The following SEZ6L variants were observed in gnomAD, a reference collection of about 807,000 sequenced individuals.
SEZ6L encodes seizure related 6 homolog like, also known as seizure 6-like protein.
Under a neutral mutation model 106.2 loss-of-function variants are expected in SEZ6L, and 37 were observed. The observed-to-expected ratio is 0.35, with a 90% CI of 0.27 to 0.46. The LOEUF (loss-of-function observed/expected upper bound fraction) is 0.46. Among genes scored for constraint, SEZ6L ranks in the 20% least tolerant of loss-of-function variants. The probability of loss-of-function intolerance (pLI) is 1.00; values close to 1 mark genes in which losing one functional copy is unlikely to be tolerated. For missense variants in SEZ6L, 1,172 were observed against 1,332.8 expected (o/e 0.88, Z 1.88); for synonymous variants, 541 against 570.4 (o/e 0.95, Z 0.73).
intron 1 of SEZ6L, among the ~76,000 whole-genome samples, chr22:26,268,773 T>G (rs2080268637): frequency 6.6e-6 from 1 of 152,226 alleles, no homozygotes; most frequent in Non-Finnish European, 1.5e-5. Flanking sequence ...CTGTGACAAC[T>G]AAAATTTCTC....
intron 1 of SEZ6L, among the ~76,000 whole-genome samples, chr22:26,188,451 C>T (rs998273453): frequency 5.3e-5 from 8 of 152,162 alleles, no homozygotes; most frequent in Admixed American, 2.0e-4. Flanking sequence ...TGTAAGTTTT[C>T]CCTCATGTGA....
chr22:26,231,770 C>G (rs1198908590), intron 1 of SEZ6L, among the ~76,000 whole-genome samples: 1 of 152,230 alleles, frequency 6.6e-6, no homozygotes, highest in South Asian at 2.1e-4. Context: ...TCCTTGCCTG[C>G]CCCCACGATG....
chr22:26,244,704 G>T (rs1185321161), intron 1 of SEZ6L: 8 of 149,090 alleles, frequency 5.4e-5, no homozygotes, highest in Admixed American at 2.7e-4. Context: ...GTTGAGGGTA[G>T]GAAAAGTTGG....
intron 10 of SEZ6L, among the ~76,000 whole-genome samples, chr22:26,342,709 A>AG (rs2082878212): frequency 6.6e-6 from 1 of 151,898 alleles, no homozygotes; most frequent in Admixed American, 6.5e-5. Context: ...AAAAAAGAAA[A>AG]AAGAAAAGAA....
intron 12 of SEZ6L, among the ~76,000 whole-genome samples, chr22:26,358,913 A>T (rs1192863537): frequency 6.6e-6 from 1 of 152,204 alleles, no homozygotes. Flanking sequence ...ACAAAGAATT[A>T]TCCATTCCAA....
At chr22:26,182,581 A>G (rs958250679) in intron 1 of SEZ6L, among the ~76,000 whole-genome samples, 3 of 152,088 alleles carry the variant, frequency 2.0e-5, no homozygotes, top group Non-Finnish European at 2.9e-5. Flanking sequence ...AAATGAATGC[A>G]TGGCCTTTCC....
chr22:26,310,888 G>A, intron 7 of SEZ6L, 52 bp downstream of exon 7: 3 of 1,573,586 alleles, frequency 1.9e-6, no homozygotes, highest in Non-Finnish European at 2.6e-6. Context: ...GGGTAGCCTG[G>A]GAGCAGGGAA....
rs566177793 is a variant in SEZ6L at position 26,197,423 on chromosome 22, G to A, written c.94+27660G>A. Among the ~76,000 whole-genome samples the A allele has an allele frequency of 5.3e-4, 80 of 152,306 alleles. 1 individual carries two copies. The Middle Eastern group carries it at 0.01, about 20-fold the overall frequency. ...GGTTTTCGCAGGTTGGGGAAAGCCCGAGCCTGGTCTTACTGGGTGAGTAAG... is the reference window on the plus strand; with the variant it reads ...GGTTTTCGCAGGTTGGGGAAAGCCCAAGCCTGGTCTTACTGGGTGAGTAAG... On this transcript the variant is annotated intron_variant, in intron 1 of 16. Transcript: ENST00000248933.
chr22:26,332,259 C>G (rs545046870), intron 9 of SEZ6L, among the ~76,000 whole-genome samples: 37 of 150,478 alleles, frequency 2.5e-4, no homozygotes, highest in African/African-American at 8.6e-4. Flanking sequence ...AAGCAATTCT[C>G]CTACCTCAGC....
intron 1 of SEZ6L, among the ~76,000 whole-genome samples, chr22:26,251,591 T>G (rs2079589362): frequency 6.6e-6 from 1 of 152,180 alleles, no homozygotes; most frequent in Non-Finnish European, 1.5e-5. Flanking sequence ...GGGAGGAGGC[T>G]TGGAGTCAGT....
intron 1 of SEZ6L, among the ~76,000 whole-genome samples, chr22:26,255,594 G>A (rs906891981): frequency 2.0e-5 from 3 of 152,192 alleles, no homozygotes; most frequent in African/African-American, 7.2e-5. Context: ...GAGACAGAGG[G>A]AATTAGGCCT....
At position 26,283,410 on chromosome 22, in the gene SEZ6L, CTATG is replaced by C. The variant is rs773916674; in HGVS notation, c.95-8994_95-8991del. 4.6e-5 allele frequency among the ~76,000 whole-genome samples: 7 copies of C among 152,202 alleles called. No individual in the cohort carries two copies. In the South Asian group the frequency reaches 6.2e-4, roughly 14 times the overall value. ...TAATCATTTAAAAAGAGTAAAGTGA[CTATG>C]TGTGTTCTAGTCGAAAGCCCACGGC... On this transcript the variant is annotated intron_variant, in intron 1 of 16. Coordinates refer to ENST00000248933, the MANE Select transcript of SEZ6L (RefSeq NM_021115.5).
chr22:26,377,489 G>A (rs1334561520), intron 15 of SEZ6L, among the ~76,000 whole-genome samples, 184 bp from the exon 16 acceptor site: 1 of 152,132 alleles, frequency 6.6e-6, no homozygotes, highest in Non-Finnish European at 1.5e-5. Flanking sequence ...CAAGTTGAGA[G>A]CAATTATGAT....
intron 12 of SEZ6L, among the ~76,000 whole-genome samples, chr22:26,358,825 A>G (rs530415558): frequency 6.6e-6 from 1 of 152,322 alleles, no homozygotes; most frequent in East Asian, 1.9e-4. Context: ...GTCAGGGAAG[A>G]GGGGTGCTAC....
chr22:26,340,760 AT>A (rs2082804674), intron 10 of SEZ6L, 128 bp downstream of exon 10: 1 of 778,988 alleles, frequency 1.3e-6, no homozygotes, highest in African/African-American at 1.8e-5. Flanking sequence ...AAATGTACTC[AT>A]TTCATTTTTA....
In SEZ6L at chr22:26,382,114, G is replaced by C. The variant is rs2084427634; in HGVS notation, c.*1819G>C. The stretch of plus-strand genomic sequence containing the variant: ...GAATCTTGCACATATACTCCTGAAG[G>C]CATGAGTGTGTGGTCCATGGCAAGA... On this transcript the variant is annotated 3_prime_UTR_variant, in exon 17 of 17. Transcript: ENST00000248933. 1 of 510,456 alleles carries C rather than the reference G, an allele frequency of 2.0e-6. No individual in the cohort carries two copies. The highest frequency in any genetic ancestry group is 1.9e-5 in the African/African-American group (1 of 51,668). 31.6% of individuals were successfully genotyped at this position (510,456 alleles called of 1,614,324 possible).
intron 1 of SEZ6L, among the ~76,000 whole-genome samples, chr22:26,291,614 A>T (rs1176267980): frequency 6.6e-6 from 1 of 152,152 alleles, no homozygotes; most frequent in African/African-American, 2.4e-5. Context: ...ATTTAAATTT[A>T]AAAAAACTCT....
intron 9 of SEZ6L, among the ~76,000 whole-genome samples, chr22:26,333,242 A>G (rs2082543411): frequency 6.6e-6 from 1 of 152,242 alleles, no homozygotes; most frequent in Non-Finnish European, 1.5e-5. Context: ...AAGCTGGACA[A>G]GCCAGCGGGT....
At position 26,340,038 on chromosome 22, in the gene SEZ6L, C is replaced by T. The variant is rs1392636989; in HGVS notation, c.2016-398C>T. 2.6e-5 allele frequency among the ~76,000 whole-genome samples: 4 copies of T among 152,188 alleles called. No individual in the cohort carries two copies. The East Asian group carries it at 7.7e-4, about 29-fold the overall frequency. On this transcript the variant is annotated intron_variant, in intron 9 of 16. Coordinates refer to ENST00000248933, the MANE Select transcript of SEZ6L (RefSeq NM_021115.5). ...TTGCCTGAGCTCAGGATTTGGAGAC[C>T]AGCCTGGGCAACACGGTGAAACCCC...
Sources: gnomAD v4.1 joint callset for allele counts (sites outside exome capture counted in the v4.1 genomes callset) on GRCh38, gnomAD v4.1.1 for gene constraint, MANE v1.5 for transcripts, NCBI Gene and HGNC (gene_info 2026-07-23, HGNC 2026-07-21) for gene names.